The following COL22A1 variants were observed in gnomAD, a reference collection of about 807,000 sequenced individuals.
The protein encoded by COL22A1 is collagen type XXII alpha 1 chain.
COL22A1 carries 221 observed loss-of-function variants against 248.9 expected under a neutral mutation model. The ratio of observed to expected loss-of-function variants is 0.89; its 90% CI spans 0.80 to 0.99. The LOEUF is 0.99. Among genes scored for constraint, COL22A1 ranks in the 50% least tolerant of loss-of-function variants. COL22A1 has a pLI of 0.00. For missense variants in COL22A1, 2,240 were observed against 2,179.0 expected (o/e 1.03, Z -0.56); for synonymous variants, 891 against 793.4 (o/e 1.12, Z -2.07).
rs35588853 is a variant in COL22A1, at chr8:138,895,060, T to TAA, written c.-72-11818_-72-11817dup. On this transcript the variant is annotated intron_variant, in intron 1 of 64. Transcript: ENST00000303045. ...GACAACAGAGCAAGAACCTTTCTCT[T>TAA]AAAAAAAAAAAAAGAAAAGAAAAGA... 4.4e-3 allele frequency among the ~76,000 whole-genome samples: 611 copies of TAA among 139,568 alleles called. 2 individuals are homozygous for TAA. The highest frequency in any genetic ancestry group is 0.041 in the South Asian group (176 of 4,310). 91.6% of individuals were successfully genotyped at this position (139,568 alleles called of 152,430 possible).
chr8:138,744,790 T>G (rs1163645063), intron 22 of COL22A1, among the ~76,000 whole-genome samples: 1 of 152,028 alleles, frequency 6.6e-6, no homozygotes, highest in Non-Finnish European at 1.5e-5. Context: ...TCCCTTCTCT[T>G]AGCTATACAT....
At chr8:138,875,157 G>A (rs1361322155) in intron 3 of COL22A1, among the ~76,000 whole-genome samples, 1 of 152,162 alleles carries the variant, frequency 6.6e-6, no homozygotes, top group East Asian at 1.9e-4. Flanking sequence ...GTTTGAAGCT[G>A]CCTGACCTCT....
chr8:138,665,687 G>A (rs1463649679), intron 41 of COL22A1, among the ~76,000 whole-genome samples: 1 of 152,140 alleles, frequency 6.6e-6, no homozygotes, highest in Non-Finnish European at 1.5e-5. Context: ...AAATTACAAA[G>A]CTGTTCACCA....
At chr8:138,880,806 T>C (rs1019725538) in intron 2 of COL22A1, among the ~76,000 whole-genome samples, 3 of 152,222 alleles carry the variant, frequency 2.0e-5, no homozygotes, top group African/African-American at 7.2e-5. Context: ...CTGTTCAGGA[T>C]AATTGCTGCT....
At chr8:138,591,044 A>G (rs2131767681) in intron 64 of COL22A1, among the ~76,000 whole-genome samples, 1 of 152,326 alleles carries the variant, frequency 6.6e-6, no homozygotes, top group Middle Eastern at 3.4e-3. Context: ...CAAAACAGAC[A>G]CATTTTTTAA....
intron 35 of COL22A1, among the ~76,000 whole-genome samples, chr8:138,692,168 G>A (rs1228561788): frequency 6.5e-4 from 7 of 10,692 alleles, no homozygotes; most frequent in Non-Finnish European, 1.6e-3. Context: ...ATGTGTGGAG[G>A]TGTGTGTGTA....
intron 31 of COL22A1, among the ~76,000 whole-genome samples, chr8:138,702,291 G>A (rs900624687): frequency 2.0e-5 from 3 of 152,182 alleles, no homozygotes; most frequent in Non-Finnish European, 4.4e-5. Flanking sequence ...CGACTCTAAA[G>A]TTGTGATCCC....
At chr8:138,893,304 T>C (rs1453284209) in intron 1 of COL22A1, among the ~76,000 whole-genome samples, 1 of 152,236 alleles carries the variant, frequency 6.6e-6, no homozygotes, top group Non-Finnish European at 1.5e-5. Context: ...CATCCCTGTG[T>C]TCAAATTCCA....
chr8:138,751,341 C>G, intron 22 of COL22A1, 117 bp downstream of exon 22: 2 of 690,672 alleles, frequency 2.9e-6, no homozygotes, highest in Non-Finnish European at 4.9e-6. Context: ...CATTCTACTT[C>G]CAATATTCAT....
intron 32 of COL22A1, among the ~76,000 whole-genome samples, chr8:138,698,827 G>C (rs561809893): frequency 6.7e-6 from 1 of 149,914 alleles, no homozygotes; most frequent in Non-Finnish European, 1.5e-5. Flanking sequence ...CCCGCCCTGC[G>C]GGTGAGGGAG....
intron 55 of COL22A1, 133 bp downstream of exon 55, chr8:138,615,867 CA>C: frequency 7.6e-6 from 5 of 658,346 alleles, no homozygotes; most frequent in Non-Finnish European, 1.3e-5. Context: ...CCTTGCCAAC[CA>C]ATCCTGTGAT....
intron 32 of COL22A1, among the ~76,000 whole-genome samples, chr8:138,699,862 G>T (rs1050025296): frequency 6.6e-6 from 1 of 152,252 alleles, no homozygotes; most frequent in African/African-American, 2.4e-5. Flanking sequence ...AGAGATGCCT[G>T]GCCTTTGCTC....
intron 16 of COL22A1, among the ~76,000 whole-genome samples, chr8:138,766,979 C>T (rs1366104661): frequency 1.3e-5 from 2 of 152,196 alleles, no homozygotes; most frequent in African/African-American, 4.8e-5. Context: ...AGACCCCGGG[C>T]TCCGGGGTAG....
rs180807451 is a variant in COL22A1, at chr8:138,740,676, A to G, written c.2086-3099T>C. ...ACAAGAGAGAAATGCAAAGAAACAC[A>G]TCTATGGAAGCAGACACCATAAGCA... On this transcript the variant is annotated intron_variant, in intron 22 of 64. Transcript: ENST00000303045. Among the ~76,000 whole-genome samples the G allele has an allele frequency of 3.1e-3, 479 of 152,274 alleles. 2 individuals carry two copies. Among genetic ancestry groups the G allele is most frequent in the Non-Finnish European group, 3.2e-3 (215 of 68,030 alleles).
At chr8:138,748,014 G>A (rs551884889) in intron 22 of COL22A1, among the ~76,000 whole-genome samples, 11 of 152,308 alleles carry the variant, frequency 7.2e-5, no homozygotes, top group African/African-American at 2.2e-4. Context: ...AGTCCAGGTC[G>A]AAGCTGAGGG....
intron 6 of COL22A1, chr8:138,826,092 T>C (rs1237102271): frequency 6.6e-6 from 1 of 152,666 alleles, no homozygotes; most frequent in Non-Finnish European, 1.5e-5. Flanking sequence ...CATGATGAGA[T>C]TTTATTACGT....
intron 36 of COL22A1, among the ~76,000 whole-genome samples, chr8:138,689,802 A>G (rs1205217483): frequency 6.6e-6 from 1 of 152,168 alleles, no homozygotes; most frequent in Non-Finnish European, 1.5e-5. Flanking sequence ...TCCTGCTGTG[A>G]CTCTGGGATC....
chr8:138,824,519 T>A (rs1269629485), intron 6 of COL22A1, among the ~76,000 whole-genome samples: 2 of 152,194 alleles, frequency 1.3e-5, no homozygotes, highest in Non-Finnish European at 2.9e-5. Context: ...GAGTCTCTTC[T>A]CAAACAAAAA....
chr8:138,673,149 G>C (rs1317617363), intron 41 of COL22A1, among the ~76,000 whole-genome samples: 1 of 152,102 alleles, frequency 6.6e-6, no homozygotes, highest in Non-Finnish European at 1.5e-5. Flanking sequence ...GGATGCCAAA[G>C]GCATGGGAGC....
Sources: gnomAD v4.1 joint callset for allele counts (sites outside exome capture counted in the v4.1 genomes callset) on GRCh38, gnomAD v4.1.1 for gene constraint, MANE v1.5 for transcripts, NCBI Gene and HGNC (gene_info 2026-07-23, HGNC 2026-07-21) for gene names.